PPP1R14A: variants seen among roughly 807,000 people sequenced by gnomAD.
PPP1R14A encodes protein phosphatase 1 regulatory subunit 14A.
In PPP1R14A, 9 loss-of-function variants were observed where a neutral mutation model predicts 14.1. The ratio of observed to expected loss-of-function variants is 0.64; its 90% CI spans 0.38 to 1.11. The LOEUF is 1.11. Ranked by LOEUF, PPP1R14A falls within the 50% of genes most tolerant of loss-of-function variation. PPP1R14A has a pLI of 0.01. For synonymous variants in PPP1R14A, 93 were observed against 88.7 expected (o/e 1.05, Z -0.27); for missense variants, 208 against 200.7 (o/e 1.04, Z -0.22).
chr19:38,252,960 G>T lies in PPP1R14A; in HGVS notation c.216C>A (p.Pro72=). The part of the protein sequence containing the change: ...ELYRGMEADM[P]DEINIDELLE... ...ACAATTCATCAATGTTGATCTCATC[G>T]GGCATGTCTGCCTCCTAGGGCCAGG... The change falls in exon 2 of 4, where the codon CCC becomes CCA. Residue 72 remains proline, a synonymous_variant. Coordinates refer to ENST00000301242, the MANE Select transcript of PPP1R14A (RefSeq NM_033256.3). The surrounding 1 kb of genome is among the most constrained non-coding windows in gnomAD (Gnocchi z 4.1). 3.7e-6 allele frequency: 6 copies of T among 1,613,768 alleles called. No homozygotes were observed. In the African/African-American group the frequency reaches 5.3e-5, roughly 14 times the overall value.
At position 38,253,048 on chromosome 19, in the gene PPP1R14A, A is replaced by G. The variant is rs914651645; in HGVS notation, c.202-74T>C. ...TCGCCTTTGTCCAGGGCTCTGCAGG[A>G]GCCCCACCGGCCCCAGGGCCCAGCT... On this transcript the variant is annotated intron_variant, in intron 1 of 3. Coordinates refer to ENST00000301242, the MANE Select transcript of PPP1R14A (RefSeq NM_033256.3). 8.2e-6 allele frequency: 10 copies of G among 1,226,724 alleles called. No homozygotes were observed. The African/African-American group carries it at 1.5e-4, about 18-fold the overall frequency. 76.0% of individuals were successfully genotyped at this position (1,226,724 alleles called of 1,614,324 possible). A position where few individuals can be genotyped will look rare whatever the true frequency, so the allele number is the denominator to read the frequency against.
At chr19:38,254,169 A>G (rs1483632302) in intron 1 of PPP1R14A, among the ~76,000 whole-genome samples, 1 of 152,190 alleles carries the variant, frequency 6.6e-6, no homozygotes, top group Non-Finnish European at 1.5e-5. Flanking sequence ...ACACTGTAGC[A>G]TACAGAAGTC....
chr19:38,256,073 G>A lies in PPP1R14A; in HGVS notation c.201+66C>T. The A allele has an allele frequency of 7.2e-7, 1 of 1,382,128 alleles. No homozygotes were observed. 85.6% of individuals were successfully genotyped at this position (1,382,128 alleles called of 1,614,324 possible). On this transcript the variant is annotated intron_variant, in intron 1 of 3. Coordinates refer to ENST00000301242, the MANE Select transcript of PPP1R14A (RefSeq NM_033256.3). This position sits in a 1 kb window ranked among gnomAD's most constrained non-coding sequence, Gnocchi z 5.7. ...AGCGAGTGTGCACCGAGACCCCAAG[G>A]GCGTGGGGTCTCCGCGCCCGGGCTC...
intron 1 of PPP1R14A, among the ~76,000 whole-genome samples, chr19:38,254,011 T>C (rs1003136543): frequency 6.6e-6 from 1 of 152,192 alleles, no homozygotes; most frequent in South Asian, 2.1e-4. Flanking sequence ...GCCTCATAGA[T>C]GCCACCTGCC....
chr19:38,252,122 G>A lies in PPP1R14A; in HGVS notation c.315+184C>T. Reference sequence around the variant, plus strand: ...CCTCAGCAGATGGGGGAGAGAGGGAGAGAGACAAGTAGGAGGACAAAAGAC... The same window carrying A: ...CCTCAGCAGATGGGGGAGAGAGGGAAAGAGACAAGTAGGAGGACAAAAGAC... On this transcript the variant is annotated intron_variant, in intron 3 of 3. Coordinates refer to ENST00000301242, the MANE Select transcript of PPP1R14A (RefSeq NM_033256.3). The surrounding 1 kb of genome is among the most constrained non-coding windows in gnomAD (Gnocchi z 4.1). 2 of 618,522 alleles carry A rather than the reference G, an allele frequency of 3.2e-6. No homozygotes were observed. The highest frequency in any genetic ancestry group is 5.7e-6 in the Non-Finnish European group (2 of 348,836). 38.3% of individuals were successfully genotyped at this position (618,522 alleles called of 1,614,324 possible).
chr19:38,251,609 G>T (rs1451637258), intron 3 of PPP1R14A, among the ~76,000 whole-genome samples, 163 bp from the exon 4 acceptor site: 1 of 152,092 alleles, frequency 6.6e-6, no homozygotes, highest in Admixed American at 6.6e-5. Context: ...AGTGAGCCGG[G>T]AGAAAGACAG....
intron 1 of PPP1R14A, among the ~76,000 whole-genome samples, 159 bp downstream of exon 1, chr19:38,255,980 G>A (rs1968243247): frequency 6.6e-6 from 1 of 152,044 alleles, no homozygotes; most frequent in Non-Finnish European, 1.5e-5. Context: ...GAGCACGGAT[G>A]GCCAGGCCAA....
chr19:38,253,215 C>T (rs1392690362), intron 1 of PPP1R14A: 3 of 474,456 alleles, frequency 6.3e-6, no homozygotes, highest in Middle Eastern at 5.7e-4. Flanking sequence ...CCATGGGCCC[C>T]GGGAGCCTCG....
At chr19:38,253,056 C>T (rs577102891) in intron 1 of PPP1R14A, 82 bp from the exon 2 acceptor site, 25 of 1,115,916 alleles carry the variant, frequency 2.2e-5, no homozygotes, top group Non-Finnish European at 2.7e-5. Context: ...GGAGCCCCAC[C>T]GGCCCCAGGG....
At chr19:38,251,873 A>G (rs1406233729) in intron 3 of PPP1R14A, 2 of 331,412 alleles carry the variant, frequency 6.0e-6, no homozygotes, top group African/African-American at 4.2e-5. Flanking sequence ...GAGAAACATG[A>G]ATAGTTTTCC....
chr19:38,251,658 G>A (rs113701821), intron 3 of PPP1R14A, among the ~76,000 whole-genome samples: 113 of 152,082 alleles, frequency 7.4e-4, no homozygotes, highest in African/African-American at 2.6e-3. Context: ...GAGAGAAAGA[G>A]CTAGGAAGAG....
Position 38,256,028 on chromosome 19 carries a change from G to T in PPP1R14A, c.201+111C>A. 9.8e-7 allele frequency: 1 copy of T among 1,019,444 alleles called. No individual in the cohort carries two copies. Among genetic ancestry groups the T allele is most frequent in the Non-Finnish European group, 1.4e-6 (1 of 717,980 alleles). The allele number at this position is 1,019,444 out of a possible 1,614,324, so 63.1% of individuals were successfully genotyped here. On this transcript the variant is annotated intron_variant, in intron 1 of 3. Coordinates refer to ENST00000301242, the MANE Select transcript of PPP1R14A (RefSeq NM_033256.3). This position sits in a 1 kb window ranked among gnomAD's most constrained non-coding sequence, Gnocchi z 5.7. ...CCTGGGGCGCTCGTCCTCTTGTGCA[G>T]ACCAGGCTGGCCGTGCACCAGCGAG...
At position 38,256,062 on chromosome 19, in the gene PPP1R14A, G is replaced by T; in HGVS notation, c.201+77C>A. On this transcript the variant is annotated intron_variant, in intron 1 of 3. Transcript: ENST00000301242. This position sits in a 1 kb window ranked among gnomAD's most constrained non-coding sequence, Gnocchi z 5.7. ...GGCCGTGCACCAGCGAGTGTGCACC[G>T]AGACCCCAAGGGCGTGGGGTCTCCG... is the stretch of plus-strand genomic sequence containing the variant. 1 of 1,322,392 alleles carries T rather than the reference G, an allele frequency of 7.6e-7. No individual in the cohort carries two copies. The highest frequency in any genetic ancestry group is 1.4e-5 in the South Asian group (1 of 70,066). 81.9% of individuals were successfully genotyped at this position (1,322,392 alleles called of 1,614,324 possible).
At position 38,251,396 on chromosome 19, in the gene PPP1R14A, G is replaced by A. The variant is rs369174395; in HGVS notation, c.366C>T (p.Pro122=). 24 of 1,562,938 alleles carry A rather than the reference G, an allele frequency of 1.5e-5. No homozygotes were observed. Among genetic ancestry groups the A allele is most frequent in the Non-Finnish European group, 2.0e-5 (23 of 1,162,624 alleles). The change falls in exon 4 of 4, where the codon CCC becomes CCT. Residue 122 remains proline, a synonymous_variant. Transcript: ENST00000301242. ...GGGAGGGGCTTGGCTGGCGGAGGCC[G>A]GGCTGCCTGTGGAGGCCTTGAAGCT... The part of the protein sequence containing the change: ...LAKLQGLHRQ[P]GLRQPSPSHD...
chr19:38,255,079 C>T (rs551095421), intron 1 of PPP1R14A, among the ~76,000 whole-genome samples: 23 of 151,926 alleles, frequency 1.5e-4, no homozygotes, highest in East Asian at 5.9e-4. Context: ...CCACCGTGCC[C>T]GGTGCTTACA....
Position 38,251,431 on chromosome 19 carries a change from G to A in PPP1R14A, c.331C>T (p.Leu111=). ...TGGAGGCCTTGAAGCTTTGCCAGCA[G>A]CTCCTGGATGAAGTCCTGAGACAGG... ...GKPVEDFIQE[L]LAKLQGLHRQ... is the part of the protein sequence containing the mutation. The change falls in exon 4 of 4, where the codon CTG becomes TTG. Residue 111 remains leucine, a synonymous_variant. Transcript: ENST00000301242. The A allele has an allele frequency of 1.3e-6, 2 of 1,569,314 alleles. No homozygotes were observed. The highest frequency in any genetic ancestry group is 1.7e-6 in the Non-Finnish European group (2 of 1,164,614).
intron 1 of PPP1R14A, 129 bp from the exon 2 acceptor site, chr19:38,253,103 C>CCGGGACAGCACTGCCAAGA: frequency 1.4e-6 from 1 of 706,078 alleles, no homozygotes; most frequent in Non-Finnish European, 2.5e-6. Flanking sequence ...ATGTGGCAGT[C>CCGGGACAGCACTGCCAAGA]CGGGACAGCA....
Position 38,252,551 on chromosome 19 carries a change from G to A in PPP1R14A, c.283-213C>T, listed in dbSNP as rs972440111. Among the ~76,000 whole-genome samples, 11 of 152,032 alleles carry A rather than the reference G, an allele frequency of 7.2e-5. No homozygotes were observed. The highest frequency in any genetic ancestry group is 1.7e-4 in the African/African-American group (7 of 41,410). Reference sequence around the variant, plus strand: ...GTGAGTTACTAGATCCAGAGAGGGCGAGAGGGTCACACAGCACTTCCCTCC... The same window carrying A: ...GTGAGTTACTAGATCCAGAGAGGGCAAGAGGGTCACACAGCACTTCCCTCC... On this transcript the variant is annotated intron_variant, in intron 2 of 3. Coordinates refer to ENST00000301242, the MANE Select transcript of PPP1R14A (RefSeq NM_033256.3). The surrounding 1 kb of genome is among the most constrained non-coding windows in gnomAD (Gnocchi z 4.1).
chr19:38,251,483 G>A, intron 3 of PPP1R14A, 37 bp from the exon 4 acceptor site: 1 of 1,518,214 alleles, frequency 6.6e-7, no homozygotes, highest in South Asian at 1.3e-5. Flanking sequence ...CATGGGAACA[G>A]TGCGGGGGCA....
Sources: gnomAD v4.1 joint callset for allele counts (sites outside exome capture counted in the v4.1 genomes callset) on GRCh38, gnomAD v4.1.1 for gene constraint, Gnocchi (gnomAD v3.1) non-coding constraint, MANE v1.5 for transcripts, NCBI Gene and HGNC (gene_info 2026-07-23, HGNC 2026-07-21) for gene names.